The following PRKG1 variants were observed in gnomAD, a reference collection of about 807,000 sequenced individuals.
The protein encoded by PRKG1 is cGMP-dependent protein kinase 1.
Under a neutral mutation model 88.1 loss-of-function variants are expected in PRKG1, and 35 were observed. The ratio of observed to expected loss-of-function variants is 0.40; its 90% CI spans 0.30 to 0.53. PRKG1 has a LOEUF of 0.53. Among genes scored for constraint, PRKG1 ranks in the 20% least tolerant of loss-of-function variants. The pLI, the probability that PRKG1 is intolerant of heterozygous loss-of-function variation, is 0.59. For synonymous variants in PRKG1, 303 were observed against 292.5 expected, an observed-to-expected ratio of 1.04 and a Z score of -0.37; for missense variants, 540 against 839.8, an observed-to-expected ratio of 0.64 and a Z score of 4.41.
intron 9 of PRKG1, among the ~76,000 whole-genome samples, chr10:52,170,357 T>C (rs1207009766): frequency 6.6e-6 from 1 of 152,138 alleles, no homozygotes; most frequent in Non-Finnish European, 1.5e-5. Context: ...TCATAATAGA[T>C]TCACATAATA....
At chr10:52,113,737 C>T (rs1413003812) in intron 7 of PRKG1, among the ~76,000 whole-genome samples, 1 of 152,084 alleles carries the variant, frequency 6.6e-6, no homozygotes, top group African/African-American at 2.4e-5. Context: ...TAATTAAAAT[C>T]ACTAGGTACC....
intron 3 of PRKG1, among the ~76,000 whole-genome samples, chr10:51,482,407 C>T (rs767293105): frequency 2.0e-5 from 3 of 152,148 alleles, no homozygotes; most frequent in Non-Finnish European, 4.4e-5. Flanking sequence ...AGAAGGGATA[C>T]AAACTGTGGA....
intron 2 of PRKG1, among the ~76,000 whole-genome samples, chr10:51,229,876 G>A (rs375194176): frequency 4.2e-5 from 6 of 143,214 alleles, no homozygotes; most frequent in African/African-American, 1.6e-4. Flanking sequence ...GCAGTGAGCC[G>A]TGTTTGTGCC....
At chr10:51,456,540 G>T (rs560707637) in intron 2 of PRKG1, among the ~76,000 whole-genome samples, 1 of 152,102 alleles carries the variant, frequency 6.6e-6, no homozygotes, top group African/African-American at 2.4e-5. Flanking sequence ...CTTAGGCAAA[G>T]AATTCATGAC....
chr10:52,133,512 T>C (rs1837321028), intron 7 of PRKG1, among the ~76,000 whole-genome samples: 1 of 152,172 alleles, frequency 6.6e-6, no homozygotes, highest in African/African-American at 2.4e-5. Flanking sequence ...CTTTTGCATA[T>C]TTATGTTTGT....
At chr10:52,089,737 A>G (rs1847002722) in intron 7 of PRKG1, among the ~76,000 whole-genome samples, 1 of 151,186 alleles carries the variant, frequency 6.6e-6, no homozygotes. Context: ...TTAAGGGCCT[A>G]GAAGCAGTGA....
chr10:51,511,475 A>G (rs562597069), intron 3 of PRKG1, among the ~76,000 whole-genome samples: 1 of 152,342 alleles, frequency 6.6e-6, no homozygotes, highest in South Asian at 2.1e-4. Context: ...ATATTTAATG[A>G]AGCCCTGCAA....
At chr10:51,459,857 C>G (rs1216852632) in intron 2 of PRKG1, among the ~76,000 whole-genome samples, 2 of 152,164 alleles carry the variant, frequency 1.3e-5, no homozygotes, top group Non-Finnish European at 2.9e-5. Context: ...TGGCTTTATT[C>G]AATCTGCTGG....
At chr10:51,546,169 C>T (rs1399824781) in intron 3 of PRKG1, among the ~76,000 whole-genome samples, 5 of 151,524 alleles carry the variant, frequency 3.3e-5, no homozygotes, top group Non-Finnish European at 4.4e-5. Flanking sequence ...TATGCAATTT[C>T]TGCAAGACAT....
chr10:51,684,427 G>A (rs905766138), intron 3 of PRKG1, among the ~76,000 whole-genome samples: 1 of 151,992 alleles, frequency 6.6e-6, no homozygotes, highest in Admixed American at 6.6e-5. Context: ...TATGACTATC[G>A]TAACAACCAT....
At chr10:51,084,975 T>C (rs1023386231) in intron 1 of PRKG1, among the ~76,000 whole-genome samples, 1 of 152,248 alleles carries the variant, frequency 6.6e-6, no homozygotes, top group African/African-American at 2.4e-5. Context: ...GGATATACTG[T>C]ACATCATCTT....
intron 5 of PRKG1, among the ~76,000 whole-genome samples, chr10:51,991,477 C>T (rs911858383): frequency 6.6e-6 from 1 of 152,020 alleles, no homozygotes; most frequent in Non-Finnish European, 1.5e-5. Context: ...GTGTGCTGCA[C>T]ACATTAACTC....
chr10:51,399,178 A>T (rs1242048130), intron 2 of PRKG1, among the ~76,000 whole-genome samples: 1 of 151,912 alleles, frequency 6.6e-6, no homozygotes, highest in Non-Finnish European at 1.5e-5. Context: ...GATGTGTTAT[A>T]TATTAATATT....
intron 1 of PRKG1, among the ~76,000 whole-genome samples, chr10:51,123,679 C>T (rs533210492): frequency 2.3e-5 from 3 of 130,912 alleles, no homozygotes; most frequent in South Asian, 2.8e-4. Flanking sequence ...GGCAACAGAT[C>T]GAGACTCCAT....
At chr10:51,451,870 A>T in intron 2 of PRKG1, among the ~76,000 whole-genome samples, 1 of 143,548 alleles carries the variant, frequency 7.0e-6, no homozygotes, top group East Asian at 2.1e-4. Context: ...TTGGTGAAAC[A>T]TGTGTTATAA....
chr10:52,271,805 A>G (rs190659794), intron 11 of PRKG1, among the ~76,000 whole-genome samples: 14 of 152,242 alleles, frequency 9.2e-5, no homozygotes, highest in African/African-American at 3.4e-4. Context: ...CAAAATATCC[A>G]AAATCAAACT....
chr10:51,654,195 A>C (rs1364485370), intron 3 of PRKG1, among the ~76,000 whole-genome samples: 1 of 152,154 alleles, frequency 6.6e-6, no homozygotes, highest in Non-Finnish European at 1.5e-5. Flanking sequence ...TTTTGAATTA[A>C]TATTTGTATA....
chr10:51,704,908 T>A (rs1294591760), intron 3 of PRKG1, among the ~76,000 whole-genome samples: 2 of 152,174 alleles, frequency 1.3e-5, no homozygotes, highest in Non-Finnish European at 2.9e-5. Context: ...CAAACTTATC[T>A]AATCCTTTTC....
chr10:51,807,425 T>C (rs1176812835), intron 4 of PRKG1, among the ~76,000 whole-genome samples: 2 of 152,156 alleles, frequency 1.3e-5, no homozygotes, highest in Non-Finnish European at 2.9e-5. Context: ...GACACACTTA[T>C]ATAAAAAGAC....
Sources: allele counts gnomAD v4.1 joint callset (sites outside exome capture counted in the v4.1 genomes callset), GRCh38; gene constraint gnomAD v4.1.1; transcripts MANE v1.5; gene names NCBI Gene and HGNC (gene_info 2026-07-23, HGNC 2026-07-21).